The following CPED1 variants were observed in gnomAD, a reference collection of about 807,000 sequenced individuals.
CPED1 encodes cadherin-like and PC-esterase domain-containing protein 1.
A neutral mutation model predicts 128.2 loss-of-function variants in CPED1; 114 were observed. The observed-to-expected ratio is 0.89, with a 90% CI of 0.76 to 1.04. The LOEUF (loss-of-function observed/expected upper bound fraction) is 1.04, where lower values mean the gene tolerates loss of function less well. CPED1 is among the 50% of genes least tolerant of loss of function. The pLI is 0.00. For missense variants in CPED1, 1,211 were observed against 1,207.1 expected, an observed-to-expected ratio of 1.00 and a Z score of -0.05; for synonymous variants, 462 against 426.7, an observed-to-expected ratio of 1.08 and a Z score of -1.02.
chr7:121,226,348 G>A (rs115915996), intron 16 of CPED1, among the ~76,000 whole-genome samples: 2,095 of 152,126 alleles, frequency 0.014, 40 homozygotes, highest in African/African-American at 0.041. Flanking sequence ...CGTTTTCTGC[G>A]TTGATCATGC....
At chr7:121,158,587 A>G (rs1734110649) in intron 16 of CPED1, among the ~76,000 whole-genome samples, 1 of 151,556 alleles carries the variant, frequency 6.6e-6, no homozygotes. Context: ...TTTCTGGAGG[A>G]ACAAATATTA....
rs73723406 is a variant in CPED1 at position 121,035,109 on chromosome 7, G to T, written c.434-11778G>T. On this transcript the variant is annotated intron_variant, in intron 3 of 22. Coordinates refer to ENST00000310396, the MANE Select transcript of CPED1 (RefSeq NM_024913.5). The stretch of plus-strand genomic sequence containing the variant: ...TTGGAGTTTCAGGGACCAAAAAAAG[G>T]CAGGTGCAGCTGGAGAACAGGAGTG... Among the ~76,000 whole-genome samples, 896 of 152,222 alleles carry T rather than the reference G, an allele frequency of 5.9e-3. 13 individuals carry two copies. The highest frequency in any genetic ancestry group is 0.021 in the African/African-American group (863 of 41,534).
In CPED1 at chr7:121,272,517, C is replaced by G. The variant is rs1169610527; in HGVS notation, c.2868+1087C>G. ...GATTCCTTTTTTGGCTCCTTGGTAT[C>G]CAACTGTCTATCACTCTGTTGAGGA... On this transcript the variant is annotated intron_variant, in intron 22 of 22. Coordinates refer to ENST00000310396, the MANE Select transcript of CPED1 (RefSeq NM_024913.5). 3.3e-5 allele frequency among the ~76,000 whole-genome samples: 5 copies of G among 152,100 alleles called. No individual in the cohort carries two copies. In the East Asian group the frequency reaches 9.7e-4, roughly 30 times the overall value.
At chr7:121,263,053 G>C (rs1792051811) in intron 18 of CPED1, among the ~76,000 whole-genome samples, 1 of 152,064 alleles carries the variant, frequency 6.6e-6, no homozygotes, top group African/African-American at 2.4e-5. Flanking sequence ...AGCTATGTCT[G>C]CTAGATTCAA....
chr7:121,009,568 C>T (rs1164821047), intron 2 of CPED1, among the ~76,000 whole-genome samples: 1 of 143,946 alleles, frequency 6.9e-6, no homozygotes, highest in Non-Finnish European at 1.5e-5. Context: ...GATCATGCCA[C>T]TGCTCTCTAG....
At chr7:121,172,298 T>A (rs1256105717) in intron 16 of CPED1, among the ~76,000 whole-genome samples, 1 of 152,148 alleles carries the variant, frequency 6.6e-6, no homozygotes, top group Non-Finnish European at 1.5e-5. Context: ...TAGTGCTTAG[T>A]TTACAATGCG....
At position 121,281,969 on chromosome 7, in the gene CPED1, T is replaced by C. The variant is rs114203584; in HGVS notation, c.2868+10539T>C. On this transcript the variant is annotated intron_variant, in intron 22 of 22. Transcript: ENST00000310396. ...CACAAAAAGAAAATAAACACAAAAG[T>C]AAAGAGGAGTTACTTCAAAGTGGCA... 9.0e-3 allele frequency among the ~76,000 whole-genome samples: 1,375 copies of C among 152,216 alleles called. 21 individuals are homozygous for C. The highest frequency in any genetic ancestry group is 0.03 in the African/African-American group (1,264 of 41,546).
At chr7:121,259,125 G>T (rs1054761801) in intron 18 of CPED1, among the ~76,000 whole-genome samples, 7 of 151,884 alleles carry the variant, frequency 4.6e-5, no homozygotes, top group Admixed American at 3.9e-4. Context: ...TCCTACTGTT[G>T]TACATTGATG....
intron 18 of CPED1, chr7:121,261,495 T>C: frequency 1.6e-6 from 2 of 1,276,302 alleles, no homozygotes; most frequent in Non-Finnish European, 2.2e-6. Flanking sequence ...CTTGACTATA[T>C]TTCTCAGTGT....
At chr7:121,215,133 A>G (rs1156611184) in intron 16 of CPED1, among the ~76,000 whole-genome samples, 2 of 151,994 alleles carry the variant, frequency 1.3e-5, no homozygotes, top group African/African-American at 2.4e-5. Flanking sequence ...TTCCGATGCC[A>G]TACATTTATG....
intron 2 of CPED1, among the ~76,000 whole-genome samples, chr7:120,993,142 A>G (rs369024877): frequency 2.6e-5 from 4 of 152,354 alleles, no homozygotes; most frequent in East Asian, 3.9e-4. Context: ...AATTATTTCA[A>G]TTTAATATAT....
chr7:120,989,969 GA>G, intron 2 of CPED1, 99 bp downstream of exon 2: 1 of 1,428,760 alleles, frequency 7.0e-7, no homozygotes, highest in Non-Finnish European at 9.6e-7. Flanking sequence ...CATGAGGTCT[GA>G]AAGGGATCCA....
At chr7:121,245,024 A>G (rs1448092235) in intron 18 of CPED1, among the ~76,000 whole-genome samples, 1 of 152,158 alleles carries the variant, frequency 6.6e-6, no homozygotes, top group East Asian at 1.9e-4. Context: ...GTAATCCTTA[A>G]CCCAATTTTC....
intron 16 of CPED1, 125 bp from the exon 17 acceptor site, chr7:121,236,589 A>G (rs905113315): frequency 6.0e-6 from 3 of 496,934 alleles, no homozygotes; most frequent in African/African-American, 4.0e-5. Flanking sequence ...CAGGGGAAAG[A>G]TAAGGAATAT....
At chr7:121,176,035 C>T (rs1004114385) in intron 16 of CPED1, among the ~76,000 whole-genome samples, 1 of 151,502 alleles carries the variant, frequency 6.6e-6, no homozygotes. Flanking sequence ...GAATGTATAC[C>T]GCTTGGTGAT....
intron 16 of CPED1, among the ~76,000 whole-genome samples, chr7:121,156,085 G>A (rs1247373615): frequency 1.3e-5 from 2 of 152,118 alleles, no homozygotes; most frequent in Non-Finnish European, 2.9e-5. Context: ...ACAAGGATGT[G>A]AAAAAATGTT....
At chr7:121,260,004 G>A (rs550726709) in intron 18 of CPED1, among the ~76,000 whole-genome samples, 21 of 151,990 alleles carry the variant, frequency 1.4e-4, no homozygotes, top group East Asian at 3.9e-4. Flanking sequence ...TTATGGTTAC[G>A]TAATTCATTA....
At chr7:121,044,648 C>CTTTTTTTTTTTTTGTTTTTTTTTT (rs35159862) in intron 3 of CPED1, among the ~76,000 whole-genome samples, 2 of 69,540 alleles carry the variant, frequency 2.9e-5, no homozygotes, top group African/African-American at 5.1e-5. Context: ...TGACTTTCTG[C>CTTTTTTTTTTTTTGTTTTTTTTTT]TCTTTTTTTT....
In CPED1 at chr7:120,989,502, A is replaced by C. The variant is rs945786673; in HGVS notation, c.-120A>C. ...TTGGAAAATTCTTAAGCAGGGATGA[A>C]GCAAACTTGATTGGAGTTGGGGAAA... On this transcript the variant is annotated 5_prime_UTR_variant, in exon 2 of 23. Transcript: ENST00000310396. The C allele has an allele frequency of 1.3e-5, 17 of 1,351,906 alleles. No individual in the cohort carries two copies. In the African/African-American group the frequency reaches 2.3e-4, roughly 19 times the overall value. 83.7% of individuals were successfully genotyped at this position (1,351,906 alleles called of 1,614,324 possible). A position where few individuals can be genotyped will look rare whatever the true frequency, so the allele number is the denominator to read the frequency against.
Sources: allele counts gnomAD v4.1 joint callset (sites outside exome capture counted in the v4.1 genomes callset), GRCh38; gene constraint gnomAD v4.1.1; transcripts MANE v1.5; gene names NCBI Gene and HGNC (gene_info 2026-07-23, HGNC 2026-07-21).